The following CTNNA3 variants were observed in gnomAD, a reference collection of about 807,000 sequenced individuals.
CTNNA3 encodes the protein catenin alpha 3, also known as catenin alpha-3.
Under a neutral mutation model 95.7 loss-of-function variants are expected in CTNNA3, and 76 were observed. That is an observed-to-expected ratio of 0.79 (90% CI 0.66 to 0.96). The LOEUF (loss-of-function observed/expected upper bound fraction) is 0.96, where lower values mean the gene tolerates loss of function less well. Ranked by LOEUF, CTNNA3 falls within the 40% of genes least tolerant of loss-of-function variation. The pLI is 0.00. For synonymous variants in CTNNA3, 431 were observed against 374.4 expected (o/e 1.15, Z -1.74); for missense variants, 1,191 against 1,089.8 (o/e 1.09, Z -1.31).
At chr10:66,008,526 A>G (rs1471648206) in intron 15 of CTNNA3, among the ~76,000 whole-genome samples, 1 of 152,144 alleles carries the variant, frequency 6.6e-6, no homozygotes, top group African/African-American at 2.4e-5. Context: ...GCTTCAGCCA[A>G]ATAGGTTGCT....
At chr10:66,234,512 C>G (rs1379010512) in intron 13 of CTNNA3, among the ~76,000 whole-genome samples, 2 of 152,190 alleles carry the variant, frequency 1.3e-5, no homozygotes, top group Admixed American at 1.3e-4. Flanking sequence ...TTATGCACCC[C>G]ACATACATAA....
At chr10:67,501,418 G>A (rs1424113924) in intron 5 of CTNNA3, among the ~76,000 whole-genome samples, 4 of 152,196 alleles carry the variant, frequency 2.6e-5, no homozygotes, top group Middle Eastern at 3.4e-3. Context: ...TTTCAACCAC[G>A]ATGAATCTGA....
rs1335248449 is a variant in CTNNA3, at chr10:66,297,891, T to G, written c.1733-17270A>C. ...TGCGAGGATGGAGCCATGGGGTAAG[T>G]TAAGTAGAATTTGAAAGCAGATGAG... On this transcript the variant is annotated intron_variant, in intron 12 of 17. Coordinates refer to ENST00000433211, the MANE Select transcript of CTNNA3 (RefSeq NM_013266.4). Among the ~76,000 whole-genome samples, 7 of 152,242 alleles carry G rather than the reference T, an allele frequency of 4.6e-5. No individual in the cohort carries two copies. In the East Asian group the frequency reaches 7.7e-4, roughly 17 times the overall value.
At chr10:67,477,234 G>A (rs545738939) in intron 5 of CTNNA3, among the ~76,000 whole-genome samples, 1 of 151,968 alleles carries the variant, frequency 6.6e-6, no homozygotes, top group Admixed American at 6.6e-5. Context: ...CAACACCTAG[G>A]CACACCTCTC....
chr10:66,466,799 CAT>C (rs1415213699), intron 11 of CTNNA3, among the ~76,000 whole-genome samples: 1 of 152,102 alleles, frequency 6.6e-6, no homozygotes, highest in African/African-American at 2.4e-5. Flanking sequence ...TCAAAATCTA[CAT>C]ATTAGTAATA....
At chr10:66,552,956 T>G (rs1166301603) in intron 10 of CTNNA3, among the ~76,000 whole-genome samples, 1 of 152,084 alleles carries the variant, frequency 6.6e-6, no homozygotes, top group Non-Finnish European at 1.5e-5. Flanking sequence ...TTTAAAAATA[T>G]GCTGAGTGAT....
At chr10:67,744,040 A>G (rs1301195610) in intron 1 of CTNNA3, among the ~76,000 whole-genome samples, 5 of 151,376 alleles carry the variant, frequency 3.3e-5, no homozygotes, top group Non-Finnish European at 7.4e-5. Flanking sequence ...ATGCTCATGG[A>G]TAGGAAGAAT....
chr10:67,515,541 AT>A (rs1839784490), intron 5 of CTNNA3, among the ~76,000 whole-genome samples: 1 of 152,228 alleles, frequency 6.6e-6, no homozygotes. Flanking sequence ...TACCTGTGCA[AT>A]AAATTTTTAA....
chr10:66,879,248 T>C (rs1844751237), intron 7 of CTNNA3, among the ~76,000 whole-genome samples: 1 of 152,106 alleles, frequency 6.6e-6, no homozygotes, highest in Non-Finnish European at 1.5e-5. Flanking sequence ...TTTACTACTA[T>C]GAACCATGAA....
At chr10:66,690,931 T>C (rs1004968974) in intron 9 of CTNNA3, among the ~76,000 whole-genome samples, 2 of 152,154 alleles carry the variant, frequency 1.3e-5, no homozygotes, top group African/African-American at 2.4e-5. Context: ...TAGTTTGCAG[T>C]CCCACCAACA....
intron 9 of CTNNA3, among the ~76,000 whole-genome samples, chr10:66,685,746 A>G (rs1202774867): frequency 6.6e-6 from 1 of 152,010 alleles, no homozygotes; most frequent in Non-Finnish European, 1.5e-5. Flanking sequence ...ATTTTTATGT[A>G]TCTGTAGGCT....
chr10:65,937,429 C>A (rs915513429), intron 17 of CTNNA3, among the ~76,000 whole-genome samples: 6 of 152,168 alleles, frequency 3.9e-5, no homozygotes, highest in Non-Finnish European at 5.9e-5. Flanking sequence ...CCGTTTCTTT[C>A]TCACAGTATG....
intron 2 of CTNNA3, among the ~76,000 whole-genome samples, chr10:67,631,447 A>G (rs561956205): frequency 2.0e-5 from 3 of 152,252 alleles, no homozygotes; most frequent in Non-Finnish European, 4.4e-5. Flanking sequence ...TCCAAAAATT[A>G]AAATGTAATT....
At chr10:66,562,784 T>C (rs1415389806) in intron 10 of CTNNA3, among the ~76,000 whole-genome samples, 1 of 151,882 alleles carries the variant, frequency 6.6e-6, no homozygotes, top group Non-Finnish European at 1.5e-5. Context: ...AAAATAATAC[T>C]TTTAAGTATA....
At chr10:66,517,475 A>G (rs1840903223) in intron 11 of CTNNA3, among the ~76,000 whole-genome samples, 1 of 152,074 alleles carries the variant, frequency 6.6e-6, no homozygotes, top group South Asian at 2.1e-4. Context: ...GATGGCCACA[A>G]GAGTGACCTC....
At chr10:67,573,180 T>C (rs1842031426) in intron 3 of CTNNA3, among the ~76,000 whole-genome samples, 1 of 152,228 alleles carries the variant, frequency 6.6e-6, no homozygotes, top group East Asian at 1.9e-4. Flanking sequence ...TCATTACGAA[T>C]TGGTGTATAG....
intron 9 of CTNNA3, among the ~76,000 whole-genome samples, chr10:66,711,497 T>C (rs1848294380): frequency 1.3e-5 from 2 of 152,084 alleles, no homozygotes; most frequent in Non-Finnish European, 1.5e-5. Flanking sequence ...CTGTGTTGCT[T>C]CTTTACCCAT....
chr10:66,555,062 C>T (rs542333121), intron 10 of CTNNA3, among the ~76,000 whole-genome samples: 6 of 152,256 alleles, frequency 3.9e-5, no homozygotes, highest in Non-Finnish European at 2.9e-5. Context: ...ATTATTAACA[C>T]ATGACTGTCT....
chr10:66,426,779 A>G (rs2093245619), intron 11 of CTNNA3, among the ~76,000 whole-genome samples: 1 of 150,646 alleles, frequency 6.6e-6, no homozygotes, highest in Non-Finnish European at 1.5e-5. Context: ...CCACTCTTCA[A>G]TTCTATAAAA....
Sources: gnomAD v4.1 joint callset for allele counts (sites outside exome capture counted in the v4.1 genomes callset) on GRCh38, gnomAD v4.1.1 for gene constraint, MANE v1.5 for transcripts, NCBI Gene and HGNC (gene_info 2026-07-23, HGNC 2026-07-21) for gene names.